Variants in TSPAN5 observed in about 807,000 individuals in gnomAD.
TSPAN5 encodes tetraspanin-5.
A neutral mutation model predicts 37.1 loss-of-function variants in TSPAN5; 10 were observed. The observed-to-expected ratio is 0.27, with a 90% CI of 0.17 to 0.46. The LOEUF (loss-of-function observed/expected upper bound fraction) is 0.46. Among genes scored for constraint, TSPAN5 ranks in the 20% least tolerant of loss-of-function variants. TSPAN5 has a pLI of 1.00. For synonymous variants in TSPAN5, 110 were observed against 118.9 expected (o/e 0.93, Z 0.48); for missense variants, 195 against 326.6 (o/e 0.60, Z 3.11).
intron 1 of TSPAN5, among the ~76,000 whole-genome samples, chr4:98,560,969 T>C (rs1300553840): frequency 6.6e-6 from 1 of 152,216 alleles, no homozygotes; most frequent in Admixed American, 6.5e-5. Flanking sequence ...AGTTTGCAGC[T>C]AGTATAATGA....
At chr4:98,611,792 A>C (rs1756198609) in intron 1 of TSPAN5, among the ~76,000 whole-genome samples, 1 of 152,252 alleles carries the variant, frequency 6.6e-6, no homozygotes, top group African/African-American at 2.4e-5. Context: ...GAAGGAGTCA[A>C]GAAATGGGCC....
Position 98,658,149 on chromosome 4 carries a change from A to C in TSPAN5, c.78T>G (p.Phe26Leu), listed in dbSNP as rs1040001882. ...KYFIFGFNVI[F>L]WFLGITFLGI... ...TCCCAGGAGCGCTCCAACTTACCCA[A>C]AATATGACATTGAAGCCAAATATGA... The change falls in exon 1 of 8, where the codon TTT (phenylalanine) becomes TTG (leucine). Residue 26 changes from phenylalanine (F) to leucine (L), a missense_variant. Physicochemically the swap from Phe to Leu is conservative, Grantham distance 22. Transcript: ENST00000305798. 3 of 1,613,624 alleles carry C rather than the reference A, an allele frequency of 1.9e-6. No homozygotes were observed. The highest frequency in any genetic ancestry group is 2.5e-6 in the Non-Finnish European group (3 of 1,179,556).
chr4:98,585,402 G>A (rs1047428678), intron 1 of TSPAN5, among the ~76,000 whole-genome samples: 15 of 151,954 alleles, frequency 9.9e-5, no homozygotes, highest in African/African-American at 2.4e-4. Context: ...CTCTGCCTCC[G>A]GGGTTCAAAC....
chr4:98,612,458 T>C (rs1327399211), intron 1 of TSPAN5, among the ~76,000 whole-genome samples: 1 of 152,196 alleles, frequency 6.6e-6, no homozygotes, highest in Non-Finnish European at 1.5e-5. Context: ...AATCTTTCAG[T>C]TCTTGTCATG....
At chr4:98,603,585 T>A (rs1755935166) in intron 1 of TSPAN5, among the ~76,000 whole-genome samples, 1 of 152,184 alleles carries the variant, frequency 6.6e-6, no homozygotes. Context: ...TTCATGGGAA[T>A]AAAGTTACCC....
At chr4:98,512,591 T>G (rs72893024) in intron 1 of TSPAN5, among the ~76,000 whole-genome samples, 3,033 of 152,292 alleles carry the variant, frequency 0.02, 116 homozygotes, top group African/African-American at 0.069. Flanking sequence ...TAGTTACCTC[T>G]GGAGGGACAC....
intron 1 of TSPAN5, among the ~76,000 whole-genome samples, chr4:98,581,566 G>A (rs958442651): frequency 2.0e-5 from 3 of 152,000 alleles, no homozygotes; most frequent in Non-Finnish European, 4.4e-5. Flanking sequence ...TCACAATTAC[G>A]TTATTCCACA....
chr4:98,529,745 A>G (rs1560524995), intron 1 of TSPAN5, among the ~76,000 whole-genome samples: 1 of 152,210 alleles, frequency 6.6e-6, no homozygotes, highest in African/African-American at 2.4e-5. Flanking sequence ...TTGGGGATTC[A>G]GTTTCATTTA....
intron 1 of TSPAN5, among the ~76,000 whole-genome samples, chr4:98,608,843 T>G (rs1191474329): frequency 6.6e-6 from 1 of 152,128 alleles, no homozygotes; most frequent in Non-Finnish European, 1.5e-5. Context: ...AACCTTATAC[T>G]CGCCCTCAGA....
intron 3 of TSPAN5, 93 bp from the exon 4 acceptor site, chr4:98,482,268 A>G: frequency 1.8e-6 from 2 of 1,134,006 alleles, no homozygotes; most frequent in Non-Finnish European, 2.5e-6. Flanking sequence ...GTTTGTAATT[A>G]CATTGGATTG....
chr4:98,627,279 C>T (rs779785785), intron 1 of TSPAN5, among the ~76,000 whole-genome samples: 3 of 151,996 alleles, frequency 2.0e-5, no homozygotes, highest in Non-Finnish European at 4.4e-5. Context: ...GATCCTGAAC[C>T]GGATCCTTTT....
At chr4:98,501,744 A>G (rs1390035893) in intron 2 of TSPAN5, among the ~76,000 whole-genome samples, 2 of 152,318 alleles carry the variant, frequency 1.3e-5, no homozygotes, top group Admixed American at 1.3e-4. Context: ...GTATGAAAGC[A>G]AATGTCACAC....
At chr4:98,612,250 G>A (rs906853325) in intron 1 of TSPAN5, among the ~76,000 whole-genome samples, 1 of 152,066 alleles carries the variant, frequency 6.6e-6, no homozygotes, top group African/African-American at 2.4e-5. Context: ...GAGGAGTGGG[G>A]AACAAGAGGA....
intron 1 of TSPAN5, among the ~76,000 whole-genome samples, chr4:98,611,681 T>C (rs1196933282): frequency 6.6e-6 from 1 of 152,218 alleles, no homozygotes; most frequent in African/African-American, 2.4e-5. Flanking sequence ...CAATTGTGCC[T>C]TACCAGGTAA....
At chr4:98,609,739 G>A (rs755598941) in intron 1 of TSPAN5, among the ~76,000 whole-genome samples, 1 of 152,128 alleles carries the variant, frequency 6.6e-6, no homozygotes, top group Non-Finnish European at 1.5e-5. Flanking sequence ...TCTTCCCTGG[G>A]TGGTCAAGGC....
chr4:98,541,361 C>A (rs949426060), intron 1 of TSPAN5, among the ~76,000 whole-genome samples: 1 of 152,080 alleles, frequency 6.6e-6, no homozygotes, highest in Non-Finnish European at 1.5e-5. Flanking sequence ...CACTACAATG[C>A]ATCCTTTTCT....
At chr4:98,505,344 C>T (rs1753453711) in intron 2 of TSPAN5, among the ~76,000 whole-genome samples, 1 of 152,226 alleles carries the variant, frequency 6.6e-6, no homozygotes, top group South Asian at 2.1e-4. Context: ...CCTGGCAACA[C>T]AACCCACCTC....
intron 1 of TSPAN5, among the ~76,000 whole-genome samples, chr4:98,550,099 T>C (rs1200459570): frequency 6.6e-6 from 1 of 152,200 alleles, no homozygotes; most frequent in Non-Finnish European, 1.5e-5. Flanking sequence ...TTCATTCTTC[T>C]ACAACATACA....
At chr4:98,585,878 G>T (rs1755474772) in intron 1 of TSPAN5, among the ~76,000 whole-genome samples, 1 of 152,234 alleles carries the variant, frequency 6.6e-6, no homozygotes, top group South Asian at 2.1e-4. Flanking sequence ...GATCAGTAAA[G>T]TTCCTTGTTC....
Sources: allele counts gnomAD v4.1 joint callset (sites outside exome capture counted in the v4.1 genomes callset), GRCh38; gene constraint gnomAD v4.1.1; transcripts MANE v1.5; gene names NCBI Gene and HGNC (gene_info 2026-07-23, HGNC 2026-07-21).